The following NEURL4 variants were observed in gnomAD, a reference collection of about 807,000 sequenced individuals.
The protein encoded by NEURL4 is neuralized-like protein 4.
In NEURL4, 45 loss-of-function variants were observed where a neutral mutation model predicts 148.0. That is an observed-to-expected ratio of 0.30 (90% CI 0.24 to 0.39). NEURL4 has a LOEUF of 0.39. Ranked by LOEUF, NEURL4 falls within the 10% of genes least tolerant of loss-of-function variation. The probability of loss-of-function intolerance (pLI) is 1.00; values close to 1 mark genes in which losing one functional copy is unlikely to be tolerated. For synonymous variants in NEURL4, 854 were observed against 869.0 expected, an observed-to-expected ratio of 0.98 and a Z score of 0.30; for missense variants, 1,776 against 2,144.0, an observed-to-expected ratio of 0.83 and a Z score of 3.39.
Position 7,329,274 on chromosome 17 carries a change from TC to T in NEURL4, c.38del (p.Gly13GlufsTer40). The T allele has an allele frequency of 1.0e-6, 1 of 980,386 alleles. No homozygotes were observed. The highest frequency in any genetic ancestry group is 1.7e-5 in the South Asian group (1 of 57,400). 60.7% of individuals were successfully genotyped at this position (980,386 alleles called of 1,614,324 possible). On this transcript the variant is annotated frameshift_variant, in exon 1 of 29. Coordinates refer to ENST00000399464, the MANE Select transcript of NEURL4 (RefSeq NM_032442.3). LOFTEE classifies it high-confidence loss of function. ...AGSGGSGGSG[G>X]GPGPGPGGGG... ...CCCCGCCCGGCCCCGGTCCAGGGCC[TC>T]CCCCAGAGCCCCCACTCCCACCCGA...
At chr17:7,325,162 C>G (rs1207300412) in intron 8 of NEURL4, 47 bp downstream of exon 8, 8 of 748,756 alleles carry the variant, frequency 1.1e-5, no homozygotes, top group Admixed American at 2.7e-5. Flanking sequence ...CCCCCCCCCC[C>G]CATTAGAATC....
intron 21 of NEURL4, among the ~76,000 whole-genome samples, chr17:7,319,569 A>G (rs1174823770): frequency 6.6e-6 from 1 of 150,820 alleles, no homozygotes; most frequent in Admixed American, 6.6e-5. Context: ...GCGTAGTGTC[A>G]TATGCCTGTA....
chr17:7,327,971 G>T lies in NEURL4; in HGVS notation c.283-87C>A. 1 of 1,086,078 alleles carries T rather than the reference G, an allele frequency of 9.2e-7. No individual in the cohort carries two copies. Among genetic ancestry groups the T allele is most frequent in the Non-Finnish European group, 1.3e-6 (1 of 771,236 alleles). 67.3% of individuals were successfully genotyped at this position (1,086,078 alleles called of 1,614,324 possible). ...TATCTTCCCACCTCTCAGACAGCTA[G>T]CTGGCTTTCTGTCTCTTGGAACACT... is the stretch of plus-strand genomic sequence containing the variant. On this transcript the variant is annotated intron_variant, in intron 1 of 28. Transcript: ENST00000399464. The surrounding 1 kb of genome is among the most constrained non-coding windows in gnomAD (Gnocchi z 6.6).
At position 7,323,714 on chromosome 17, in the gene NEURL4, C is replaced by G. The variant is rs2073061721; in HGVS notation, c.2271G>C (p.Arg757=). The change falls in exon 13 of 29, where the codon CGG becomes CGC. Residue 757 remains arginine (R), a synonymous_variant. Transcript: ENST00000399464. Reference sequence around the variant, plus strand: ...TGACAATTTCAAACAGCTCTCCATCCCGCAGGGCCCTGCCAGGAGACTGGC... The same window carrying G: ...TGACAATTTCAAACAGCTCTCCATCGCGCAGGGCCCTGCCAGGAGACTGGC... The part of the protein sequence containing the change: ...DAIVISNRAL[R]DGELFEIVIQ... 1 of 1,613,962 alleles carries G rather than the reference C, an allele frequency of 6.2e-7. No homozygotes were observed. Among genetic ancestry groups the G allele is most frequent in the Non-Finnish European group, 8.5e-7 (1 of 1,180,000 alleles).
At position 7,324,964 on chromosome 17, in the gene NEURL4, T is replaced by G. The variant is rs2073082101; in HGVS notation, c.1648A>C (p.Asn550His). Reference sequence around the variant, plus strand: ...CTGCTGCTCAGCACCACGCCGTGATTGAAGTCATCGGTGGCACTGAGGGCA... The same window carrying G: ...CTGCTGCTCAGCACCACGCCGTGATGGAAGTCATCGGTGGCACTGAGGGCA... Reference protein sequence around the residue: ...ALRPHATDDFNHGVVLSSRAL... With the variant: ...ALRPHATDDFHHGVVLSSRAL... The change falls in exon 9 of 29, where the codon AAT becomes CAT. Residue 550 changes from asparagine (N) to histidine (H), a missense_variant. Asn to His is a moderately conservative substitution (Grantham distance 68, BLOSUM62 1). Coordinates refer to ENST00000399464, the MANE Select transcript of NEURL4 (RefSeq NM_032442.3). The surrounding 1 kb of genome is among the most constrained non-coding windows in gnomAD (Gnocchi z 5.9). 2 of 1,613,944 alleles carry G rather than the reference T, an allele frequency of 1.2e-6. No individual in the cohort carries two copies. Among genetic ancestry groups the G allele is most frequent in the African/African-American group, 1.3e-5 (1 of 74,912 alleles).
chr17:7,323,502 A>G lies in NEURL4; in HGVS notation c.2400T>C (p.Tyr800=), dbSNP rs767785375. Residue 800 remains tyrosine (Y), a synonymous_variant, in exon 14 of 29, where the codon TAT becomes TAC. Transcript: ENST00000399464. The part of the protein sequence containing the change: ...EFPNTMTDID[Y]DTWMLSGTAI... ...AGCCCAACCTCAGCATCCATGTGTC[A>G]TAGTCAATGTCTGTCATGGTGTTGG... 1.2e-6 allele frequency: 2 copies of G among 1,614,202 alleles called. No homozygotes were observed. The highest frequency in any genetic ancestry group is 1.7e-6 in the Non-Finnish European group (2 of 1,180,030).
rs769381061 is a variant in NEURL4, at chr17:7,325,430, C to T, written c.1410G>A (p.Val470=). 2 of 1,612,878 alleles carry T rather than the reference C, an allele frequency of 1.2e-6. No homozygotes were observed. The highest frequency in any genetic ancestry group is 1.7e-5 in the Admixed American group (1 of 60,006). The stretch of plus-strand genomic sequence containing the variant: ...CCTTCACTGCCATCCCGTACAAGTC[C>T]ACCACACCATACACCACTGGGGGCG... The part of the protein sequence containing the change: ...PLTPPVVYGV[V]DLYGMAVKVT... The change falls in exon 8 of 29, where the codon GTG becomes GTA. Residue 470 remains valine (V), a synonymous_variant. Transcript: ENST00000399464.
chr17:7,325,444 C>T lies in NEURL4; in HGVS notation c.1396G>A (p.Val466Met). The change falls in exon 8 of 29, where the codon GTG becomes ATG. Residue 466 changes from valine to methionine, a missense_variant. By Grantham distance (21) the Val-to-Met change is conservative (BLOSUM62 1). Transcript: ENST00000399464. Reference sequence around the variant, plus strand: ...CCGTACAAGTCCACCACACCATACACCACTGGGGGCGTCAAGGGGGTTGCC... The same window carrying T: ...CCGTACAAGTCCACCACACCATACATCACTGGGGGCGTCAAGGGGGTTGCC... Reference protein sequence around the residue: ...GVATPLTPPVVYGVVDLYGMA... With the variant: ...GVATPLTPPVMYGVVDLYGMA... 1 of 1,612,480 alleles carries T rather than the reference C, an allele frequency of 6.2e-7. No homozygotes were observed. Among genetic ancestry groups the T allele is most frequent in the South Asian group, 1.1e-5 (1 of 91,078 alleles).
chr17:7,317,478 C>A lies in NEURL4; in HGVS notation c.4301G>T (p.Arg1434Leu). 6.2e-7 allele frequency: 1 copy of A among 1,614,202 alleles called. No individual in the cohort carries two copies. Among genetic ancestry groups the A allele is most frequent in the Non-Finnish European group, 8.5e-7 (1 of 1,180,018 alleles). The change falls in exon 27 of 29, where the codon CGA becomes CTA. Residue 1434 changes from arginine to leucine, a missense_variant. By Grantham distance (102) the Arg-to-Leu change is moderately radical. Transcript: ENST00000399464. ...GCCAGTACCTGCTCCCAGCTCCCCTCGGTCCAGCACTCTCCGTACAGCGGC... is the reference window on the plus strand; with the variant it reads ...GCCAGTACCTGCTCCCAGCTCCCCTAGGTCCAGCACTCTCCGTACAGCGGC... ...NVAAVRRVLD[R>L]GELGAGTASI...
intron 1 of NEURL4, among the ~76,000 whole-genome samples, chr17:7,328,132 A>G (rs531230609): frequency 6.6e-6 from 1 of 151,458 alleles, no homozygotes. Context: ...CTTGGTTCCA[A>G]CCTCCTGCCT....
Position 7,326,248 on chromosome 17 carries a change from C to A in NEURL4, c.1293+7G>T, listed in dbSNP as rs1353767707. On this transcript the variant is annotated splice_region_variant and intron_variant, in intron 6 of 28. Coordinates refer to ENST00000399464, the MANE Select transcript of NEURL4 (RefSeq NM_032442.3). This position sits in a 1 kb window ranked among gnomAD's most constrained non-coding sequence, Gnocchi z 6.0. Reference sequence around the variant, plus strand: ...AAGCGGCCCAGGGATCTGTGCCCCACCCTCACCTGCAACTCATCCAGACTG... The same window carrying A: ...AAGCGGCCCAGGGATCTGTGCCCCAACCTCACCTGCAACTCATCCAGACTG... The A allele has an allele frequency of 1.2e-6, 2 of 1,613,686 alleles. No individual in the cohort carries two copies. Among genetic ancestry groups the A allele is most frequent in the East Asian group, 2.2e-5 (1 of 44,868 alleles).
chr17:7,325,037 G>T, intron 8 of NEURL4, 57 bp from the exon 9 acceptor site: 2 of 1,597,782 alleles, frequency 1.3e-6, no homozygotes, highest in Non-Finnish European at 1.7e-6. Flanking sequence ...AATGTGCCAA[G>T]GCTTAGCCCA....
At position 7,329,307 on chromosome 17, in the gene NEURL4, C is replaced by G; in HGVS notation, c.6G>C (p.Ala2=). The change falls in exon 1 of 29, where the codon GCG becomes GCC. Residue 2 remains alanine, a synonymous_variant. Transcript: ENST00000399464. The stretch of plus-strand genomic sequence containing the variant: ...AGCCCCCACTCCCACCCGACCCTGC[C>G]GCCATCTCCGCTGACACCGGGGCAG... M[A]AGSGGSGGSG... is the part of the protein sequence containing the mutation. The G allele has an allele frequency of 7.2e-7, 1 of 1,394,928 alleles. No homozygotes were observed. The highest frequency in any genetic ancestry group is 3.0e-5 in the East Asian group (1 of 33,782). The allele number at this position is 1,394,928 out of a possible 1,614,324, so 86.4% of individuals were successfully genotyped here.
chr17:7,322,739 G>C lies in NEURL4; in HGVS notation c.2721C>G (p.Ser907=), dbSNP rs757861512. 1.9e-6 allele frequency: 3 copies of C among 1,611,546 alleles called. No homozygotes were observed. Among genetic ancestry groups the C allele is most frequent in the African/African-American group, 1.3e-5 (1 of 74,908 alleles). Residue 907 remains serine (S), a synonymous_variant, in exon 16 of 29, where the codon TCC becomes TCG. Coordinates refer to ENST00000399464, the MANE Select transcript of NEURL4 (RefSeq NM_032442.3). This position sits in a 1 kb window ranked among gnomAD's most constrained non-coding sequence, Gnocchi z 5.5. ...GCCCCCGCCCTGCTGCCGCACCTGG[G>C]GAGTGCAGTGGGAAGGACTTCTCGG... The part of the protein sequence containing the change: ...TATEKSFPLH[S]PVAGVAHRFH...
rs768218540 is a variant in NEURL4, at chr17:7,321,736, G to A, written c.2923C>T (p.Leu975=). ...ATCTCCCCCGGTGCTAGTGTGGTCA[G>A]CCCCAGCCGCAGGGAACCTGCCCAC... ...EKWAGSLRLG[L]TTLAPGEMGP... is the part of the protein sequence containing the mutation. The change falls in exon 18 of 29, where the codon CTG becomes TTG. Residue 975 remains leucine, a synonymous_variant. Coordinates refer to ENST00000399464, the MANE Select transcript of NEURL4 (RefSeq NM_032442.3). This position sits in a 1 kb window ranked among gnomAD's most constrained non-coding sequence, Gnocchi z 6.3. The A allele has an allele frequency of 1.9e-6, 3 of 1,613,628 alleles. No homozygotes were observed. In the South Asian group the frequency reaches 3.3e-5, roughly 18 times the overall value.
At chr17:7,319,866 G>T (rs557910190) in intron 21 of NEURL4, among the ~76,000 whole-genome samples, 11 of 151,648 alleles carry the variant, frequency 7.3e-5, no homozygotes, top group Middle Eastern at 3.2e-3. Context: ...GTCTCGCTCT[G>T]TTGCCCAGGC....
At chr17:7,325,854 A>G (rs1345506241) in intron 6 of NEURL4, 141 bp from the exon 7 acceptor site, 3 of 716,994 alleles carry the variant, frequency 4.2e-6, no homozygotes, top group African/African-American at 1.8e-5. Flanking sequence ...TTTTCCAGAC[A>G]TGACAATTTC....
rs1228079879 is a variant in NEURL4, at chr17:7,322,788, C to T, written c.2672G>A (p.Ser891Asn). ...GGTGGCAGTGTTGCTGGTCGCCAGG[C>T]TGTTGTCCATGGGGCCGGTGGCATT... ...ITNATGPMDN[S>N]LATSNTATEK... The change falls in exon 16 of 29, where the codon AGC (serine) becomes AAC (asparagine). Residue 891 changes from serine to asparagine, a missense_variant. Transcript: ENST00000399464. This position sits in a 1 kb window ranked among gnomAD's most constrained non-coding sequence, Gnocchi z 5.5. The T allele has an allele frequency of 8.7e-6, 14 of 1,613,946 alleles. No individual in the cohort carries two copies. Among genetic ancestry groups the T allele is most frequent in the Non-Finnish European group, 1.2e-5 (14 of 1,180,024 alleles).
At chr17:7,319,955 G>A (rs1488387085) in intron 21 of NEURL4, among the ~76,000 whole-genome samples, 14 of 151,526 alleles carry the variant, frequency 9.2e-5, no homozygotes, top group African/African-American at 2.9e-4. Context: ...TCAGCCTCCC[G>A]AGTAGCTGGG....
Sources: gnomAD v4.1 joint callset for allele counts (sites outside exome capture counted in the v4.1 genomes callset) on GRCh38, gnomAD v4.1.1 for gene constraint, Gnocchi (gnomAD v3.1) non-coding constraint, MANE v1.5 for transcripts, NCBI Gene and HGNC (gene_info 2026-07-23, HGNC 2026-07-21) for gene names.